ZBTB7C: variants seen among roughly 807,000 people sequenced by gnomAD.
ZBTB7C encodes zinc finger and BTB domain-containing protein 7C.
A neutral mutation model predicts 25.7 loss-of-function variants in ZBTB7C; 8 were observed. The ratio of observed to expected loss-of-function variants is 0.31; its 90% CI spans 0.18 to 0.56. The LOEUF (loss-of-function observed/expected upper bound fraction) is 0.56, where lower values mean the gene tolerates loss of function less well. ZBTB7C is among the 20% of genes least tolerant of loss of function. ZBTB7C has a pLI of 0.91. For synonymous variants in ZBTB7C, 394 were observed against 369.0 expected, an observed-to-expected ratio of 1.07 and a Z score of -0.78; for missense variants, 824 against 855.2, an observed-to-expected ratio of 0.96 and a Z score of 0.46.
chr18:48,093,185 T>C lies in ZBTB7C; in HGVS notation c.-16-52062A>G, dbSNP rs138241028. Among the ~76,000 whole-genome samples, 75 of 152,344 alleles carry C rather than the reference T, an allele frequency of 4.9e-4. 1 individual carries two copies. Among genetic ancestry groups the C allele is most frequent in the African/African-American group, 1.8e-3 (73 of 41,586 alleles). ...AGTGCCCGAACTAGGGTAAGGGAGC[T>C]GGGCCCACAGAGTAGACTCAGCCGT... On this transcript the variant is annotated intron_variant, in intron 3 of 4. Transcript: ENST00000590800.
chr18:48,111,844 A>G lies in ZBTB7C; in HGVS notation c.-16-70721T>C, dbSNP rs545859749. 3.9e-5 allele frequency among the ~76,000 whole-genome samples: 6 copies of G among 152,360 alleles called. No individual in the cohort carries two copies. The East Asian group carries it at 9.6e-4, about 24-fold the overall frequency. On this transcript the variant is annotated intron_variant, in intron 3 of 4. Transcript: ENST00000590800. ...AGAAAACATAAACACAGTTTTTGGC[A>G]GGCAAGTTAGCAATTTCGGACCCTG...
intron 2 of ZBTB7C, among the ~76,000 whole-genome samples, chr18:48,242,104 T>C (rs546507341): frequency 6.6e-6 from 1 of 152,176 alleles, no homozygotes; most frequent in East Asian, 1.9e-4. Flanking sequence ...CTAGAGGAAA[T>C]GGATAAAATC....
At chr18:48,038,672 C>G (rs888641857) in intron 4 of ZBTB7C, among the ~76,000 whole-genome samples, 1 of 151,868 alleles carries the variant, frequency 6.6e-6, no homozygotes, top group Non-Finnish European at 1.5e-5. Flanking sequence ...AAAGAATGAG[C>G]TGCCACCAAT....
chr18:48,237,241 C>T (rs536917223), intron 2 of ZBTB7C, among the ~76,000 whole-genome samples: 1 of 152,210 alleles, frequency 6.6e-6, no homozygotes, highest in South Asian at 2.1e-4. Context: ...TACAATACAG[C>T]ACAGAGCAGA....
Position 48,198,852 on chromosome 18 carries a change from T to A in ZBTB7C, c.-78-12857A>T, listed in dbSNP as rs192958746. ...TGGGAGACCATTATCTTGTCTACCC[T>A]ACACACCATGCTTGTTTCTGGTTTA... On this transcript the variant is annotated intron_variant, in intron 2 of 4. Coordinates refer to ENST00000590800, the MANE Select transcript of ZBTB7C (RefSeq NM_001318841.2). Among the ~76,000 whole-genome samples, 6 of 152,336 alleles carry A rather than the reference T, an allele frequency of 3.9e-5. No individual in the cohort carries two copies. In the East Asian group the frequency reaches 1.2e-3, roughly 29 times the overall value.
chr18:48,128,691 C>A (rs138369712), intron 3 of ZBTB7C, among the ~76,000 whole-genome samples: 22 of 151,760 alleles, frequency 1.4e-4, no homozygotes, highest in Non-Finnish European at 2.9e-4. Context: ...ATAATGGACA[C>A]TGGAGACTCA....
At position 48,039,895 on chromosome 18, in the gene ZBTB7C, C is replaced by T. The variant is rs777344826; in HGVS notation, c.1208+5G>A. On this transcript the variant is annotated splice_donor_5th_base_variant and intron_variant, in intron 4 of 4. Coordinates refer to ENST00000590800, the MANE Select transcript of ZBTB7C (RefSeq NM_001318841.2). ...TGCCCCACACCCGAGGGCTGCCATG[C>T]GCACCTGGTGAAGCGGACCTCGCAG... 1.4e-5 allele frequency: 23 copies of T among 1,610,600 alleles called. No individual in the cohort carries two copies. The highest frequency in any genetic ancestry group is 3.3e-5 in the Admixed American group (2 of 60,018).
At position 48,113,235 on chromosome 18, in the gene ZBTB7C, C is replaced by T. The variant is rs115960370; in HGVS notation, c.-16-72112G>A. On this transcript the variant is annotated intron_variant, in intron 3 of 4. Coordinates refer to ENST00000590800, the MANE Select transcript of ZBTB7C (RefSeq NM_001318841.2). ...ATGACACCAACTAACTGCAGTAATC[C>T]CTTCTAAGCCTCAGTTATCTCATCT... Among the ~76,000 whole-genome samples the T allele has an allele frequency of 8.9e-3, 1,360 of 152,306 alleles. 22 individuals carry two copies. Among genetic ancestry groups the T allele is most frequent in the African/African-American group, 0.031 (1,285 of 41,558 alleles).
At chr18:48,359,283 T>C (rs528167880) in intron 1 of ZBTB7C, among the ~76,000 whole-genome samples, 1 of 152,108 alleles carries the variant, frequency 6.6e-6, no homozygotes, top group Admixed American at 6.5e-5. Flanking sequence ...TTTCTCTGTG[T>C]CATTTTTCAC....
chr18:48,233,308 T>C (rs571658929), intron 2 of ZBTB7C, among the ~76,000 whole-genome samples: 80 of 152,318 alleles, frequency 5.3e-4, no homozygotes, highest in African/African-American at 1.9e-3. Flanking sequence ...TGCCAGCACC[T>C]TGATATTGGA....
At chr18:48,127,843 A>T (rs2039856288) in intron 3 of ZBTB7C, among the ~76,000 whole-genome samples, 1 of 152,154 alleles carries the variant, frequency 6.6e-6, no homozygotes, top group Non-Finnish European at 1.5e-5. Flanking sequence ...ACATGGAGAG[A>T]AGCTGTCCCC....
intron 2 of ZBTB7C, among the ~76,000 whole-genome samples, chr18:48,255,509 T>C (rs1263297648): frequency 1.3e-5 from 2 of 152,140 alleles, no homozygotes; most frequent in East Asian, 3.8e-4. Flanking sequence ...TGAAACTAAG[T>C]TGTTTATCTG....
chr18:48,236,483 C>T (rs565296857), intron 2 of ZBTB7C, among the ~76,000 whole-genome samples: 16 of 152,338 alleles, frequency 1.1e-4, no homozygotes, highest in South Asian at 4.1e-4. Context: ...CTAAAACCCA[C>T]GCTAGCCTTA....
At chr18:48,107,459 G>C (rs553107176) in intron 3 of ZBTB7C, among the ~76,000 whole-genome samples, 1 of 152,156 alleles carries the variant, frequency 6.6e-6, no homozygotes, top group East Asian at 1.9e-4. Flanking sequence ...CCAGCCAGGG[G>C]ACAGGCACTA....
chr18:48,254,664 T>C (rs1424065674), intron 2 of ZBTB7C, among the ~76,000 whole-genome samples: 3 of 152,138 alleles, frequency 2.0e-5, no homozygotes, highest in Admixed American at 2.0e-4. Context: ...CAGACAACAA[T>C]ACAGCTTCCA....
intron 3 of ZBTB7C, among the ~76,000 whole-genome samples, chr18:48,111,780 T>A (rs960349119): frequency 1.3e-5 from 2 of 152,158 alleles, no homozygotes; most frequent in Admixed American, 1.3e-4. Flanking sequence ...ATATCTTATA[T>A]GAAACTAAGG....
chr18:48,409,807 T>C (rs1398554391), upstream of ZBTB7C, among the ~76,000 whole-genome samples: 1 of 151,996 alleles, frequency 6.6e-6, no homozygotes, highest in Non-Finnish European at 1.5e-5. Context: ...TTTCCTTTTT[T>C]CTCTCTGCCT....
intron 2 of ZBTB7C, among the ~76,000 whole-genome samples, chr18:48,215,763 A>G (rs2042808802): frequency 6.6e-6 from 1 of 152,200 alleles, no homozygotes; most frequent in Admixed American, 6.5e-5. Flanking sequence ...AAGACCTGGA[A>G]AGGGAAAGGG....
At chr18:48,142,443 C>T (rs2040376792) in intron 3 of ZBTB7C, among the ~76,000 whole-genome samples, 1 of 152,166 alleles carries the variant, frequency 6.6e-6, no homozygotes, top group Admixed American at 6.5e-5. Context: ...TGGGAAAGTA[C>T]CCTGCCAGGC....
Sources: gnomAD v4.1 joint callset for allele counts (sites outside exome capture counted in the v4.1 genomes callset) on GRCh38, gnomAD v4.1.1 for gene constraint, MANE v1.5 for transcripts, NCBI Gene and HGNC (gene_info 2026-07-23, HGNC 2026-07-21) for gene names.